ZNF619: variants seen among roughly 807,000 people sequenced by gnomAD.
The protein encoded by ZNF619 is zinc finger protein 619.
In ZNF619, 9 loss-of-function variants were observed where a neutral mutation model predicts 14.2. The observed-to-expected ratio is 0.64, with a 90% CI of 0.38 to 1.11. The LOEUF is 1.11. ZNF619 is among the 50% of genes least tolerant of loss of function. The pLI is 0.01. For missense variants in ZNF619, 659 were observed against 680.1 expected (o/e 0.97, Z 0.34); for synonymous variants, 246 against 252.8 (o/e 0.97, Z 0.26).
chr3:40,487,753 T>A lies in ZNF619; in HGVS notation c.1243T>A (p.Phe415Ile). ...CWKTFSCSSR[F>I]IVHQRIHNGE... ...GAAAACTTTCAGCTGTAGCTCCCGC[T>A]TCATAGTGCATCAGAGAATCCACAA... is the stretch of plus-strand genomic sequence containing the variant. The change falls in exon 5 of 5, where the codon TTC becomes ATC. Residue 415 changes from phenylalanine to isoleucine, a missense_variant. By Grantham distance (21) the Phe-to-Ile change is conservative (BLOSUM62 0). Transcript: ENST00000432264. 6.2e-7 allele frequency: 1 copy of A among 1,613,976 alleles called. No homozygotes were observed. The highest frequency in any genetic ancestry group is 1.1e-5 in the South Asian group (1 of 91,074).
chr3:40,480,158 T>C (rs1697337105), intron 2 of ZNF619, among the ~76,000 whole-genome samples: 1 of 152,196 alleles, frequency 6.6e-6, no homozygotes, highest in Admixed American at 6.5e-5. Flanking sequence ...TTGAGGTCCA[T>C]ATTCCCAGCT....
At position 40,479,496 on chromosome 3, in the gene ZNF619, C is replaced by T. The variant is rs143059339; in HGVS notation, c.24+1493C>T. On this transcript the variant is annotated intron_variant, in intron 2 of 4. Coordinates refer to ENST00000432264, the MANE Select transcript of ZNF619 (RefSeq NM_001145093.4). Reference sequence around the variant, plus strand: ...GATATCATGTGCCAGGTGATATCTTCGTGCGTTACAGATAATAACTTAATG... The same window carrying T: ...GATATCATGTGCCAGGTGATATCTTTGTGCGTTACAGATAATAACTTAATG... Among the ~76,000 whole-genome samples, 19 of 152,272 alleles carry T rather than the reference C, an allele frequency of 1.2e-4. No individual in the cohort carries two copies. In the East Asian group the frequency reaches 2.1e-3, roughly 17 times the overall value.
Position 40,486,808 on chromosome 3 carries a change from G to A in ZNF619, c.298G>A (p.Gly100Ser), listed in dbSNP as rs749265723. 3.1e-6 allele frequency: 5 copies of A among 1,588,758 alleles called. 1 individual carries two copies. In the South Asian group the frequency reaches 3.5e-5, roughly 11 times the overall value. ...ATGTTTTCTTTTTATCATGCTAGGT[G>A]GTAAAACCAAGACTGAGAATGAGGA... ...GEALRGMCTG[G>S]KTKTENEEKT... The change falls in exon 5 of 5, where the codon GGT (glycine) becomes AGT (serine). Residue 100 changes from glycine (G) to serine (S), a missense_variant and splice_region_variant. By Grantham distance (56) the Gly-to-Ser change is moderately conservative. Coordinates refer to ENST00000432264, the MANE Select transcript of ZNF619 (RefSeq NM_001145093.4).
chr3:40,482,142 C>T, intron 3 of ZNF619, 126 bp downstream of exon 3: 1 of 1,548,028 alleles, frequency 6.5e-7, no homozygotes, highest in Non-Finnish European at 8.7e-7. Context: ...CTCCCTAATC[C>T]CCAGTGCCAG....
In ZNF619 at chr3:40,481,979, G is replaced by A. The variant is rs751832147; in HGVS notation, c.141G>A (p.Glu47=). The stretch of plus-strand genomic sequence containing the variant: ...CTACGCAGAGGGCCCTATACAGGGA[G>A]GTGATGCTGGAGAATTATGCAAATG... The part of the protein sequence containing the change: ...LHPTQRALYR[E]VMLENYANVT... Residue 47 remains glutamate (E), a synonymous_variant, in exon 3 of 5, where the codon GAG becomes GAA. Coordinates refer to ENST00000432264, the MANE Select transcript of ZNF619 (RefSeq NM_001145093.4). 2 of 1,606,804 alleles carry A rather than the reference G, an allele frequency of 1.2e-6. No individual in the cohort carries two copies. Among genetic ancestry groups the A allele is most frequent in the South Asian group, 2.2e-5 (2 of 90,056 alleles).
In ZNF619 at chr3:40,488,361, T is replaced by C. The variant is rs1031506819; in HGVS notation, c.*120T>C. The stretch of plus-strand genomic sequence containing the variant: ...TATAAGTTGTTACTGTTTTCCTAAC[T>C]TCATTTTAAATTCTCACGCTTAAGG... On this transcript the variant is annotated 3_prime_UTR_variant, in exon 5 of 5. Coordinates refer to ENST00000432264, the MANE Select transcript of ZNF619 (RefSeq NM_001145093.4). The C allele has an allele frequency of 2.3e-5, 15 of 648,600 alleles. No homozygotes were observed. The highest frequency in any genetic ancestry group is 4.1e-5 in the Non-Finnish European group (15 of 366,104). 40.2% of individuals were successfully genotyped at this position (648,600 alleles called of 1,614,324 possible). A position where few individuals can be genotyped will look rare whatever the true frequency, so the allele number is the denominator to read the frequency against.
chr3:40,479,226 T>C (rs1357750907), intron 2 of ZNF619, among the ~76,000 whole-genome samples: 1 of 152,186 alleles, frequency 6.6e-6, no homozygotes, highest in Non-Finnish European at 1.5e-5. Flanking sequence ...TGAACCTCTC[T>C]CTTTTAGGAA....
At chr3:40,481,763 C>G (rs1011288413) in intron 2 of ZNF619, 100 bp from the exon 3 acceptor site, 1 of 1,481,638 alleles carries the variant, frequency 6.7e-7, no homozygotes, top group South Asian at 1.4e-5. Context: ...CTGTGTGGCT[C>G]TCCTTGCCAG....
chr3:40,486,146 C>G (rs562682330), intron 4 of ZNF619, among the ~76,000 whole-genome samples: 1 of 152,324 alleles, frequency 6.6e-6, no homozygotes, highest in South Asian at 2.1e-4. Flanking sequence ...CTAGAGCTGC[C>G]TACCCATCTT....
At chr3:40,477,844 G>A (rs749777873) in intron 1 of ZNF619, 74 bp from the exon 2 acceptor site, 8 of 749,684 alleles carry the variant, frequency 1.1e-5, no homozygotes, top group Non-Finnish European at 1.6e-5. Flanking sequence ...CAATGCTAGT[G>A]GCAGGAGACA....
chr3:40,483,995 G>C (rs543183092), intron 4 of ZNF619, among the ~76,000 whole-genome samples: 1 of 148,276 alleles, frequency 6.7e-6, no homozygotes, highest in Non-Finnish European at 1.5e-5. Flanking sequence ...GCACTATTTC[G>C]GCTCACTGCA....
intron 1 of ZNF619, 151 bp from the exon 2 acceptor site, chr3:40,477,767 C>T (rs1380616280): frequency 1.8e-6 from 1 of 564,900 alleles, no homozygotes; most frequent in Non-Finnish European, 3.2e-6. Context: ...GCAGAGGGAG[C>T]ATTTGCAACA....
chr3:40,486,292 C>G (rs1232016538), intron 4 of ZNF619, among the ~76,000 whole-genome samples: 1 of 152,202 alleles, frequency 6.6e-6, no homozygotes, highest in East Asian at 1.9e-4. Context: ...TTCTGCCATC[C>G]ACACTGTTTT....
intron 3 of ZNF619, 106 bp downstream of exon 3, chr3:40,482,122 A>G (rs1301998116): frequency 3.9e-6 from 6 of 1,553,624 alleles, no homozygotes; most frequent in Middle Eastern, 1.8e-4. Flanking sequence ...TTGATGCCCT[A>G]TGGGCTGAGC....
chr3:40,483,216 CAA>C (rs1697464663), intron 4 of ZNF619, among the ~76,000 whole-genome samples: 1 of 151,532 alleles, frequency 6.6e-6, no homozygotes, highest in Non-Finnish European at 1.5e-5. Flanking sequence ...CTCTAAAAAA[CAA>C]AAGATTTCAA....
chr3:40,486,907 G>A lies in ZNF619; in HGVS notation c.397G>A (p.Val133Ile), dbSNP rs752311865. 2.4e-5 allele frequency: 38 copies of A among 1,614,046 alleles called. No individual in the cohort carries two copies. The highest frequency in any genetic ancestry group is 1.1e-4 in the African/African-American group (8 of 74,904). Residue 133 changes from valine to isoleucine, a missense_variant, in exon 5 of 5, where the codon GTT (valine) becomes ATT (isoleucine). Physicochemically the swap from Val to Ile is conservative, Grantham distance 29 (BLOSUM62 3). Coordinates refer to ENST00000432264, the MANE Select transcript of ZNF619 (RefSeq NM_001145093.4). ...GATAGTGGAGGGACTGCTGATGGAC[G>A]TTCCCCAGCACCCTGACTTCAAGGA... is the stretch of plus-strand genomic sequence containing the variant. The part of the protein sequence containing the change: ...RLIVEGLLMD[V>I]PQHPDFKDRL...
rs566308003 is a variant in ZNF619, at chr3:40,484,816, GT to G, written c.296-1984del. On this transcript the variant is annotated intron_variant, in intron 4 of 4. Transcript: ENST00000432264. ...ACAATGAAAACAGCAGCCTCAATCT[GT>G]TTTTTGTAGTTTATAGATTAGTAAA... 1.6e-4 allele frequency among the ~76,000 whole-genome samples: 24 copies of G among 152,280 alleles called. No individual in the cohort carries two copies. The South Asian group carries it at 3.5e-3, about 22-fold the overall frequency.
At chr3:40,478,186 T>C (rs1297758909) in intron 2 of ZNF619, among the ~76,000 whole-genome samples, 183 bp downstream of exon 2, 1 of 152,078 alleles carries the variant, frequency 6.6e-6, no homozygotes, top group Non-Finnish European at 1.5e-5. Flanking sequence ...TCAGGTAGGT[T>C]GGAAAAGAAG....
chr3:40,480,008 G>A (rs1424424552), intron 2 of ZNF619, among the ~76,000 whole-genome samples: 1 of 152,206 alleles, frequency 6.6e-6, no homozygotes, highest in African/African-American at 2.4e-5. Context: ...GTAAGTGCAA[G>A]TAAAGGACAG....
Sources: allele counts gnomAD v4.1 joint callset (sites outside exome capture counted in the v4.1 genomes callset), GRCh38; gene constraint gnomAD v4.1.1; transcripts MANE v1.5; gene names NCBI Gene and HGNC (gene_info 2026-07-23, HGNC 2026-07-21).